Variants in UQCRH observed in about 807,000 individuals in gnomAD.
The protein encoded by UQCRH is cytochrome b-c1 complex subunit 6, mitochondrial.
In UQCRH, 14 loss-of-function variants were observed where a neutral mutation model predicts 16.3. The observed-to-expected ratio is 0.86, with a 90% confidence interval of 0.57 to 1.34. UQCRH has a LOEUF of 1.34. Among genes scored for constraint, UQCRH ranks in the 40% most tolerant of loss-of-function variants. The pLI is 0.00. For synonymous variants in UQCRH, 41 were observed against 41.9 expected (o/e 0.98, Z 0.08); for missense variants, 89 against 111.9 (o/e 0.80, Z 0.92).
chr1:46,315,605 A>G (rs897772681), intron 3 of UQCRH, among the ~76,000 whole-genome samples: 1 of 151,866 alleles, frequency 6.6e-6, no homozygotes, highest in African/African-American at 2.4e-5. Flanking sequence ...AAAAAAAAAA[A>G]AAAAAAGATT....
intron 3 of UQCRH, among the ~76,000 whole-genome samples, chr1:46,311,337 GC>G (rs1661470025): frequency 6.7e-6 from 1 of 150,202 alleles, no homozygotes; most frequent in Non-Finnish European, 1.5e-5. Flanking sequence ...GGAGGCGGAG[GC>G]GGAGGCGGAG....
At chr1:46,310,359 C>T in intron 3 of UQCRH, 43 bp downstream of exon 3, 1 of 1,611,756 alleles carries the variant, frequency 6.2e-7, no homozygotes, top group Non-Finnish European at 8.5e-7. Context: ...TTGCAATGGT[C>T]AGGGAAGACT....
In UQCRH at chr1:46,306,380, G is replaced by GTTTTT. The variant is rs58917170; in HGVS notation, c.54+2575_54+2579dup. 2.4e-4 allele frequency among the ~76,000 whole-genome samples: 30 copies of GTTTTT among 125,180 alleles called. 2 individuals are homozygous for GTTTTT. Among genetic ancestry groups the GTTTTT allele is most frequent in the Non-Finnish European group, 3.8e-4 (23 of 60,026 alleles). 82.1% of individuals were successfully genotyped at this position (125,180 alleles called of 152,430 possible). On this transcript the variant is annotated intron_variant, in intron 1 of 3. Coordinates refer to ENST00000311672, the MANE Select transcript of UQCRH (RefSeq NM_006004.4). Reference sequence around the variant, plus strand: ...TAGTTTTTTTGGGAAAACTTTTTCAGTTTTTTTTTTTTTTTTTTTGTGACG... The same window carrying GTTTTT: ...TAGTTTTTTTGGGAAAACTTTTTCAGTTTTTTTTTTTTTTTTTTTTTTTTGTGACG...
chr1:46,309,283 T>C (rs1332374561), intron 2 of UQCRH, 156 bp downstream of exon 2: 3 of 814,650 alleles, frequency 3.7e-6, no homozygotes, highest in Admixed American at 3.3e-5. Context: ...GAGTTTAGGG[T>C]GTGAGCCTTG....
chr1:46,304,387 ATTTT>A (rs10581963), intron 1 of UQCRH, among the ~76,000 whole-genome samples: 2 of 141,850 alleles, frequency 1.4e-5, no homozygotes, highest in Admixed American at 7.0e-5. Context: ...GCACTAATTA[ATTTT>A]TTTTTTTTTT....
chr1:46,309,238 G>T (rs535482361), intron 2 of UQCRH, 111 bp downstream of exon 2: 3 of 1,237,358 alleles, frequency 2.4e-6, no homozygotes, highest in Non-Finnish European at 3.4e-6. Context: ...AGATAATGGG[G>T]GTGGAATAAG....
chr1:46,309,992 G>T (rs1005785453), intron 2 of UQCRH, 163 bp from the exon 3 acceptor site: 1 of 1,486,006 alleles, frequency 6.7e-7, no homozygotes, highest in Admixed American at 2.2e-5. Context: ...ATGGGAGACC[G>T]CATTCTGCCA....
chr1:46,308,988 A>C (rs1661420766), intron 1 of UQCRH, 113 bp from the exon 2 acceptor site: 10 of 1,277,152 alleles, frequency 7.8e-6, no homozygotes, highest in Non-Finnish European at 8.9e-6. Context: ...CACAGAAAAC[A>C]AAATAACATC....
intron 2 of UQCRH, 162 bp downstream of exon 2, chr1:46,309,289 C>A (rs1661425853): frequency 3.9e-6 from 3 of 775,132 alleles, no homozygotes; most frequent in Non-Finnish European, 6.0e-6. Context: ...AGGGTGTGAG[C>A]CTTGGAAGCT....
At chr1:46,304,632 AC>A (rs1259720349) in intron 1 of UQCRH, among the ~76,000 whole-genome samples, 1 of 151,694 alleles carries the variant, frequency 6.6e-6, no homozygotes, top group Non-Finnish European at 1.5e-5. Context: ...TGATCCGCCC[AC>A]CCCGGCCTCC....
chr1:46,309,076 CATT>C, intron 1 of UQCRH, 22 bp from the exon 2 acceptor site: 1 of 1,612,960 alleles, frequency 6.2e-7, no homozygotes, highest in Non-Finnish European at 8.5e-7. Flanking sequence ...TTGCTGCTGA[CATT>C]AATTTTGTTT....
intron 1 of UQCRH, 94 bp from the exon 2 acceptor site, chr1:46,309,007 T>C: frequency 7.4e-7 from 1 of 1,359,158 alleles, no homozygotes; most frequent in South Asian, 1.2e-5. Context: ...TCGTTAATAG[T>C]GTCAGTGTCT....
At chr1:46,305,007 A>G (rs866882690) in intron 1 of UQCRH, among the ~76,000 whole-genome samples, 24 of 152,178 alleles carry the variant, frequency 1.6e-4, no homozygotes, top group African/African-American at 5.8e-4. Context: ...TAGTCTTATT[A>G]TTTCTAAAAA....
At chr1:46,304,480 G>C (rs1449094620) in intron 1 of UQCRH, among the ~76,000 whole-genome samples, 1 of 151,792 alleles carries the variant, frequency 6.6e-6, no homozygotes, top group Non-Finnish European at 1.5e-5. Context: ...CCGCCTCCTG[G>C]GTTCAAGCGA....
At chr1:46,310,940 G>A (rs1450090790) in intron 3 of UQCRH, among the ~76,000 whole-genome samples, 4 of 151,932 alleles carry the variant, frequency 2.6e-5, no homozygotes, top group Non-Finnish European at 4.4e-5. Context: ...GGTGGCGGGC[G>A]CCTGTAGTCC....
At chr1:46,309,867 C>A in intron 2 of UQCRH, 1 of 1,347,154 alleles carries the variant, frequency 7.4e-7, no homozygotes, top group Non-Finnish European at 9.6e-7. Flanking sequence ...TCAAGTTTGG[C>A]CAGGTTTCCT....
chr1:46,314,456 C>T (rs1228672434), intron 3 of UQCRH, among the ~76,000 whole-genome samples: 1 of 151,650 alleles, frequency 6.6e-6, no homozygotes, highest in Non-Finnish European at 1.5e-5. Flanking sequence ...GGATCACCTG[C>T]TGTCCGGAGT....
rs116267092 is a variant in UQCRH, at chr1:46,314,796, A to G, written c.244-1756A>G. ...ATTGTTCCACTTTGGTGAGGTACCTAGAATAGCAGTCACATTCATAGAGAC... is the reference window on the plus strand; with the variant it reads ...ATTGTTCCACTTTGGTGAGGTACCTGGAATAGCAGTCACATTCATAGAGAC... On this transcript the variant is annotated intron_variant, in intron 3 of 3. Transcript: ENST00000311672. Among the ~76,000 whole-genome samples the G allele has an allele frequency of 3.0e-3, 461 of 152,334 alleles. 3 individuals are homozygous for G. The highest frequency in any genetic ancestry group is 6.8e-3 in the Middle Eastern group (2 of 294).
intron 3 of UQCRH, among the ~76,000 whole-genome samples, chr1:46,313,812 G>T (rs934650799): frequency 5.9e-5 from 9 of 151,674 alleles, no homozygotes; most frequent in African/African-American, 2.2e-4. Flanking sequence ...CTGCACTCCA[G>T]CCTGGGTGAC....
Sources: allele counts gnomAD v4.1 joint callset (sites outside exome capture counted in the v4.1 genomes callset), GRCh38; gene constraint gnomAD v4.1.1; transcripts MANE v1.5; gene names NCBI Gene and HGNC (gene_info 2026-07-23, HGNC 2026-07-21).